TMCO5A: variants seen among roughly 807,000 people sequenced by gnomAD.
TMCO5A encodes transmembrane and coiled-coil domains 5A.
In TMCO5A, 34 loss-of-function variants were observed where a neutral mutation model predicts 42.3. That is an observed-to-expected ratio of 0.80 (90% CI 0.61 to 1.07). The LOEUF is 1.07. TMCO5A is among the 50% of genes least tolerant of loss of function. The pLI is 0.00. For missense variants in TMCO5A, 357 were observed against 327.9 expected (o/e 1.09, Z -0.69); for synonymous variants, 131 against 115.6 (o/e 1.13, Z -0.86).
chr15:38,030,253 T>C, the TMCO5A span, among the ~76,000 whole-genome samples: 13 of 152,306 alleles, frequency 8.5e-5, no homozygotes, highest in African/African-American at 2.9e-4. Context: ...ATTCTGATCG[T>C]TCTATCCCTG....
At chr15:37,974,679 A>G in the TMCO5A span, among the ~76,000 whole-genome samples, 1 of 151,698 alleles carries the variant, frequency 6.6e-6, no homozygotes, top group African/African-American at 2.4e-5. Flanking sequence ...TACTAATCTT[A>G]TTCTTTCAAA....
chr15:38,025,342 T>C, the TMCO5A span, among the ~76,000 whole-genome samples: 1 of 152,118 alleles, frequency 6.6e-6, no homozygotes, highest in Non-Finnish European at 1.5e-5. Context: ...TCAGTGCCCA[T>C]TGGTGCTTTC....
the TMCO5A span, among the ~76,000 whole-genome samples, chr15:37,996,015 G>A: frequency 1.3e-5 from 2 of 152,106 alleles, no homozygotes; most frequent in Non-Finnish European, 2.9e-5. Flanking sequence ...CTTACCTAGG[G>A]GGACGTTAAT....
the TMCO5A span, among the ~76,000 whole-genome samples, chr15:38,036,492 TCTCTCACACA>T: frequency 2.0e-4 from 17 of 86,814 alleles, no homozygotes; most frequent in African/African-American, 9.8e-4. Context: ...TGTCTCTCTC[TCTCTCACACA>T]CACACACACA....
chr15:37,965,168 C>T lies in TMCO5A; in HGVS notation c.669-1457C>T, dbSNP rs148988511. On this transcript the variant is annotated intron_variant, in intron 11 of 11. Coordinates refer to the TMCO5A transcript ENST00000559502. ...GCCAAGAACAAACACGGCCGAAAGA[C>T]AGTCTCTTCAATAAACGGTGCTGAG... is the stretch of plus-strand genomic sequence containing the variant. 2.3e-4 allele frequency among the ~76,000 whole-genome samples: 35 copies of T among 152,156 alleles called. No homozygotes were observed. The East Asian group carries it at 5.8e-3, about 25-fold the overall frequency.
the TMCO5A span, among the ~76,000 whole-genome samples, chr15:37,990,322 T>C: frequency 2.6e-5 from 4 of 152,086 alleles, no homozygotes; most frequent in Non-Finnish European, 5.9e-5. Context: ...AAAATTATTA[T>C]ATCTTTTTCC....
the TMCO5A span, among the ~76,000 whole-genome samples, chr15:37,990,128 G>A: frequency 6.6e-6 from 1 of 152,042 alleles, no homozygotes; most frequent in Admixed American, 6.6e-5. Context: ...TTCTGTATAT[G>A]TCTGTTAGAT....
chr15:37,966,476 A>G (rs558748883), intron 11 of TMCO5A: 2 of 634,734 alleles, frequency 3.2e-6, no homozygotes, highest in Non-Finnish European at 5.7e-6. Flanking sequence ...GTTTCAAAAC[A>G]TCTCATATAC....
chr15:37,940,726 A>G (rs1021121859), intron 6 of TMCO5A, among the ~76,000 whole-genome samples: 2 of 152,080 alleles, frequency 1.3e-5, no homozygotes, highest in African/African-American at 4.8e-5. Flanking sequence ...AGCAGCTGAT[A>G]TAGAATGGTC....
intron 11 of TMCO5A, among the ~76,000 whole-genome samples, chr15:37,960,036 G>T (rs1219003343): frequency 1.3e-5 from 2 of 151,878 alleles, no homozygotes. Flanking sequence ...AAGTTATTGG[G>T]GTACAGTTGG....
the TMCO5A span, among the ~76,000 whole-genome samples, chr15:37,981,849 C>T: frequency 6.6e-6 from 1 of 152,156 alleles, no homozygotes; most frequent in Non-Finnish European, 1.5e-5. Context: ...ACAGAAGAGA[C>T]TGGCTATAGA....
chr15:37,936,825 G>T, intron 3 of TMCO5A, 22 bp from the exon 4 acceptor site: 1 of 1,610,114 alleles, frequency 6.2e-7, no homozygotes, highest in Non-Finnish European at 8.5e-7. Flanking sequence ...GGGTCCTCAT[G>T]GCATGTGCTT....
At chr15:38,015,558 C>T in the TMCO5A span, among the ~76,000 whole-genome samples, 78,591 of 151,948 alleles carry the variant, frequency 0.52, 21,467 homozygotes, top group African/African-American at 0.69. Flanking sequence ...TGGTATTTAC[C>T]CAAAAATTTG....
At chr15:37,965,226 C>G (rs753002432) in intron 11 of TMCO5A, among the ~76,000 whole-genome samples, 1 of 152,106 alleles carries the variant, frequency 6.6e-6, no homozygotes. Flanking sequence ...AAAAATGAAA[C>G]GAAATCCCTG....
intron 11 of TMCO5A, among the ~76,000 whole-genome samples, chr15:37,964,833 C>T (rs1890518549): frequency 1.3e-5 from 2 of 152,066 alleles, no homozygotes; most frequent in South Asian, 2.1e-4. Flanking sequence ...AATATCCATA[C>T]TACCCAAAGC....
At chr15:37,956,292 T>A (rs867156514), downstream of TMCO5A, among the ~76,000 whole-genome samples, 26 of 151,938 alleles carry the variant, frequency 1.7e-4, no homozygotes, top group African/African-American at 5.6e-4. Flanking sequence ...CTTCAAAAAA[T>A]CAGTGAATCC....
At chr15:38,036,492 T>TCACA in the TMCO5A span, among the ~76,000 whole-genome samples, 7 of 86,814 alleles carry the variant, frequency 8.1e-5, no homozygotes, top group African/African-American at 4.0e-4. Flanking sequence ...TGTCTCTCTC[T>TCACA]CTCTCACACA....
chr15:38,029,301 C>T, the TMCO5A span, among the ~76,000 whole-genome samples: 2 of 151,862 alleles, frequency 1.3e-5, no homozygotes, highest in Non-Finnish European at 2.9e-5. Flanking sequence ...TATGCATACA[C>T]TTTCACAAAT....
chr15:38,015,056 C>G, the TMCO5A span, among the ~76,000 whole-genome samples: 1 of 151,296 alleles, frequency 6.6e-6, no homozygotes, highest in Non-Finnish European at 1.5e-5. Context: ...ATGTAGACTG[C>G]GAGGCTAGGC....
Sources: allele counts gnomAD v4.1 joint callset (sites outside exome capture counted in the v4.1 genomes callset), GRCh38; gene constraint gnomAD v4.1.1; transcripts MANE v1.5; gene names NCBI Gene and HGNC (gene_info 2026-07-23, HGNC 2026-07-21).